TBX5: variants seen among roughly 807,000 people sequenced by gnomAD.
TBX5 encodes T-box transcription factor 5.
Under a neutral mutation model 51.1 loss-of-function variants are expected in TBX5, and 8 were observed. The ratio of observed to expected loss-of-function variants is 0.16; its 90% CI spans 0.09 to 0.28. TBX5 has a LOEUF of 0.28. Among genes scored for constraint, TBX5 ranks in the 10% least tolerant of loss-of-function variants. TBX5 has a pLI of 1.00. For missense variants in TBX5, 589 were observed against 671.7 expected, an observed-to-expected ratio of 0.88 and a Z score of 1.36; for synonymous variants, 302 against 266.4, an observed-to-expected ratio of 1.13 and a Z score of -1.30.
Position 114,401,819 on chromosome 12 carries a change from A to G in TBX5, c.242+7T>C, listed in dbSNP as rs1267517405. On this transcript the variant is annotated splice_region_variant and intron_variant, in intron 3 of 8. Transcript: ENST00000405440. ...CGTCCCTCTCTCTACACAACAAACC[A>G]TCTCACCTTCCAGCCTTGGTTATGA... is the stretch of plus-strand genomic sequence containing the variant. 6.8e-6 allele frequency: 11 copies of G among 1,612,956 alleles called. No individual in the cohort carries two copies. Among genetic ancestry groups the G allele is most frequent in the Non-Finnish European group, 9.3e-6 (11 of 1,179,412 alleles).
intron 6 of TBX5, among the ~76,000 whole-genome samples, chr12:114,392,452 G>C (rs1286995254): frequency 6.6e-6 from 1 of 151,944 alleles, no homozygotes; most frequent in Non-Finnish European, 1.5e-5. Context: ...AGGGAGAGAG[G>C]GAGTGAGTTT....
chr12:114,404,852 A>T (rs956593479), intron 1 of TBX5, among the ~76,000 whole-genome samples: 1 of 152,182 alleles, frequency 6.6e-6, no homozygotes, highest in East Asian at 1.9e-4. Context: ...GGACAAAATC[A>T]TTCTCGGATA....
Position 114,405,861 on chromosome 12 carries a change from T to G in TBX5, c.-272A>C. On this transcript the variant is annotated 5_prime_UTR_variant, in exon 1 of 9. Transcript: ENST00000405440. The stretch of plus-strand genomic sequence containing the variant: ...CTGTGCGCTTGCTCTCCCTAAATAC[T>G]TCCCAGTTGGCAAGCGCCAAAGAAC... The G allele has an allele frequency of 1.0e-6, 1 of 985,420 alleles. No homozygotes were observed. 61.0% of individuals were successfully genotyped at this position (985,420 alleles called of 1,614,324 possible). A position where few individuals can be genotyped will look rare whatever the true frequency, so the allele number is the denominator to read the frequency against.
In TBX5 at chr12:114,355,853, G is replaced by A; in HGVS notation, c.1236C>T (p.Val412=). 6.2e-7 allele frequency: 1 copy of A among 1,613,858 alleles called. No individual in the cohort carries two copies. The highest frequency in any genetic ancestry group is 1.7e-5 in the Admixed American group (1 of 60,022). ...GCCTGTCCATGGGCTGCACGGTGGT[G>A]ACGGTGCAGCTGCTGTAGGAAGGCA... is the stretch of plus-strand genomic sequence containing the variant. ...PSMPSYSSCT[V]TTVQPMDRLP... is the part of the protein sequence containing the mutation. The change falls in exon 9 of 9, where the codon GTC becomes GTT. Residue 412 remains valine, a synonymous_variant. Coordinates refer to ENST00000405440, the MANE Select transcript of TBX5 (RefSeq NM_181486.4).
chr12:114,399,416 A>C, intron 4 of TBX5, 97 bp downstream of exon 4: 1 of 895,282 alleles, frequency 1.1e-6, no homozygotes, highest in African/African-American at 2.2e-5. Context: ...GTAGGAACTA[A>C]AAAAAAAAAA....
rs772595679 is a variant in TBX5, at chr12:114,385,507, T to C, written c.724A>G (p.Met242Val). 1 of 1,614,202 alleles carries C rather than the reference T, an allele frequency of 6.2e-7. No homozygotes were observed. Among genetic ancestry groups the C allele is most frequent in the Non-Finnish European group, 8.5e-7 (1 of 1,180,030 alleles). ...FAKGFRGSDD[M>V]ELHRMSRMQS... is the part of the protein sequence containing the mutation. ...ATTCTTGACATTCTGTGCAGCTCCA[T>C]GTCATCACTGCCCCGAAATCCTTTG... Residue 242 changes from methionine (M) to valine (V), a missense_variant, in exon 7 of 9, where the codon ATG (methionine) becomes GTG (valine). Around this residue, in one of 7 missense-constraint regions of TBX5, gnomAD observed 348 missense variants for 360.4 expected, o/e 0.97. Transcript: ENST00000405440.
At chr12:114,364,863 G>A (rs1348181952) in intron 8 of TBX5, among the ~76,000 whole-genome samples, 1 of 152,194 alleles carries the variant, frequency 6.6e-6, no homozygotes, top group Non-Finnish European at 1.5e-5. Flanking sequence ...GCAGGGAGCA[G>A]AGATGAGATT....
At chr12:114,402,979 C>T (rs777951005) in intron 2 of TBX5, among the ~76,000 whole-genome samples, 9 of 152,134 alleles carry the variant, frequency 5.9e-5, no homozygotes, top group Non-Finnish European at 1.2e-4. Context: ...GTAAGTGTCT[C>T]TTCTGGTCGT....
chr12:114,368,128 T>G (rs903676310), intron 7 of TBX5, among the ~76,000 whole-genome samples: 6 of 152,250 alleles, frequency 3.9e-5, no homozygotes, highest in Non-Finnish European at 5.9e-5. Flanking sequence ...AGCTTCACTA[T>G]AAGTGATCAT....
chr12:114,397,618 T>G (rs1218040475), intron 5 of TBX5, among the ~76,000 whole-genome samples: 1 of 152,152 alleles, frequency 6.6e-6, no homozygotes, highest in Non-Finnish European at 1.5e-5. Context: ...CTACACATTC[T>G]TTTGGGTGGT....
At chr12:114,387,375 C>T (rs865945314) in intron 6 of TBX5, among the ~76,000 whole-genome samples, 1 of 152,134 alleles carries the variant, frequency 6.6e-6, no homozygotes, top group Non-Finnish European at 1.5e-5. Context: ...TATGTATGTG[C>T]ACCTATGTGT....
chr12:114,401,992 A>C, intron 2 of TBX5, 72 bp from the exon 3 acceptor site: 2 of 1,340,598 alleles, frequency 1.5e-6, no homozygotes, highest in Non-Finnish European at 2.1e-6. Context: ...AAACTCCCCC[A>C]AAACACAGAG....
chr12:114,361,579 G>A (rs1041064905), intron 8 of TBX5, among the ~76,000 whole-genome samples: 7 of 152,078 alleles, frequency 4.6e-5, no homozygotes, highest in Admixed American at 3.3e-4. Flanking sequence ...GGAGACAGCC[G>A]GTTCCAAACA....
At chr12:114,407,343 C>T (rs1372215523), upstream of TBX5, among the ~76,000 whole-genome samples, 1 of 152,172 alleles carries the variant, frequency 6.6e-6, no homozygotes, top group Non-Finnish European at 1.5e-5. Flanking sequence ...AGCTTGGAGG[C>T]CTTTAGGCTT....
chr12:114,406,730 C>T (rs759927844), upstream of TBX5, among the ~76,000 whole-genome samples: 2 of 152,318 alleles, frequency 1.3e-5, no homozygotes, highest in African/African-American at 2.4e-5. Flanking sequence ...ACGTCCCCTG[C>T]TCCAGGTGTA....
At chr12:114,406,726 C>T (rs575742569), upstream of TBX5, among the ~76,000 whole-genome samples, 1 of 152,292 alleles carries the variant, frequency 6.6e-6, no homozygotes, top group South Asian at 2.1e-4. Flanking sequence ...CCAGACGTCC[C>T]CTGCTCCAGG....
intron 8 of TBX5, among the ~76,000 whole-genome samples, chr12:114,362,369 C>T (rs867645198): frequency 6.6e-6 from 1 of 152,170 alleles, no homozygotes; most frequent in African/African-American, 2.4e-5. Flanking sequence ...TCTCACTGGT[C>T]CCTGCCTTCC....
intron 2 of TBX5, 72 bp from the exon 3 acceptor site, chr12:114,401,992 A>T: frequency 7.5e-7 from 1 of 1,340,598 alleles, no homozygotes. Context: ...AAACTCCCCC[A>T]AAACACAGAG....
At chr12:114,404,569 A>T (rs1234998089) in intron 1 of TBX5, among the ~76,000 whole-genome samples, 1 of 152,208 alleles carries the variant, frequency 6.6e-6, no homozygotes, top group Non-Finnish European at 1.5e-5. Context: ...CCTTAACATT[A>T]AAAGTCCTTT....
Sources: allele counts gnomAD v4.1 joint callset (sites outside exome capture counted in the v4.1 genomes callset), GRCh38; gene constraint gnomAD v4.1.1; regional missense constraint gnomAD v4.1.1; transcripts MANE v1.5; gene names NCBI Gene and HGNC (gene_info 2026-07-23, HGNC 2026-07-21).